The following PEAK1 variants were observed in gnomAD, a reference collection of about 807,000 sequenced individuals.
PEAK1 encodes inactive tyrosine-protein kinase PEAK1.
PEAK1 carries 54 observed loss-of-function variants against 124.7 expected under a neutral mutation model. That is an observed-to-expected ratio of 0.43 (90% confidence interval 0.35 to 0.54). The LOEUF (loss-of-function observed/expected upper bound fraction) is 0.54, where lower values mean the gene tolerates loss of function less well. PEAK1 is among the 20% of genes least tolerant of loss of function. PEAK1 has a pLI of 0.01. For missense variants in PEAK1, 2,046 were observed against 2,134.5 expected, an observed-to-expected ratio of 0.96 and a Z score of 0.82; for synonymous variants, 719 against 760.0, an observed-to-expected ratio of 0.95 and a Z score of 0.89.
intron 1 of PEAK1, among the ~76,000 whole-genome samples, chr15:77,414,207 C>CTGTCTTTCCTTCCTTCTTTCCTTCTT (rs2072678009): frequency 1.5e-5 from 1 of 67,922 alleles, no homozygotes; most frequent in African/African-American, 4.5e-5. Flanking sequence ...TTCTTTCCTT[C>CTGTCTTTCCTTCCTTCTTTCCTTCTT]TTTTTTTTTT....
At chr15:77,258,392 T>C (rs563853644) in intron 5 of PEAK1, among the ~76,000 whole-genome samples, 61 of 152,334 alleles carry the variant, frequency 4.0e-4, no homozygotes, top group African/African-American at 1.5e-3. Context: ...TGGTATCCTC[T>C]TTTATTTCAT....
chr15:77,313,652 A>ATGTATGTG (rs1469429790), intron 2 of PEAK1, among the ~76,000 whole-genome samples: 221 of 90,582 alleles, frequency 2.4e-3, no homozygotes, highest in Non-Finnish European at 3.3e-3. Flanking sequence ...GTATGTATGT[A>ATGTATGTG]TGTGTGTGTG....
intron 2 of PEAK1, chr15:77,345,937 A>G: frequency 2.0e-6 from 2 of 985,244 alleles, no homozygotes; most frequent in Non-Finnish European, 2.4e-6. Context: ...TATTAATTAT[A>G]GCACATAGCA....
chr15:77,298,576 T>C (rs2063632326), intron 2 of PEAK1, among the ~76,000 whole-genome samples: 1 of 152,104 alleles, frequency 6.6e-6, no homozygotes, highest in African/African-American at 2.4e-5. Flanking sequence ...ACATTTCTTA[T>C]CTAGCCTCAA....
chr15:77,401,849 T>C, intron 1 of PEAK1: 7 of 984,846 alleles, frequency 7.1e-6, no homozygotes, highest in Non-Finnish European at 8.4e-6. Context: ...CATCTTGCTT[T>C]ATTATATTTT....
chr15:77,239,671 C>A (rs979247979), intron 6 of PEAK1: 1 of 227,048 alleles, frequency 4.4e-6, no homozygotes, highest in Non-Finnish European at 7.3e-6. Context: ...CAAAATCTTA[C>A]AATGACTAAA....
At chr15:77,268,025 A>T (rs1482071061) in intron 5 of PEAK1, among the ~76,000 whole-genome samples, 1 of 152,222 alleles carries the variant, frequency 6.6e-6, no homozygotes, top group African/African-American at 2.4e-5. Context: ...ACTAATCACA[A>T]CTTCTGGAAA....
intron 2 of PEAK1, chr15:77,337,337 G>A: frequency 1.0e-6 from 1 of 967,202 alleles, no homozygotes; most frequent in Non-Finnish European, 1.2e-6. Flanking sequence ...TATTTGAGAG[G>A]AGAAACCATC....
In PEAK1 at chr15:77,313,708, A is replaced by ATGTATGTG. The variant is rs1402548917; in HGVS notation, c.-602-27205_-602-27204insCACATACA. Among the ~76,000 whole-genome samples the ATGTATGTG allele has an allele frequency of 1.5e-4, 14 of 93,754 alleles. No homozygotes were observed. In the East Asian group the frequency reaches 1.9e-3, roughly 13 times the overall value. 61.5% of individuals were successfully genotyped at this position (93,754 alleles called of 152,430 possible). A position where few individuals can be genotyped will look rare whatever the true frequency, so the allele number is the denominator to read the frequency against. ...TGTGTGTGTGTATATATATATATGT[A>ATGTATGTG]TGTGTGTGTGTGTGTGTGTATATAT... On this transcript the variant is annotated intron_variant, in intron 2 of 9. Coordinates refer to ENST00000682557, the MANE Select transcript of PEAK1 (RefSeq NM_001385026.1).
At chr15:77,212,307 G>A (rs891577276) in intron 6 of PEAK1, among the ~76,000 whole-genome samples, 4 of 152,112 alleles carry the variant, frequency 2.6e-5, no homozygotes, top group Non-Finnish European at 4.4e-5. Context: ...TAATATCTCA[G>A]ATTCAATGAC....
chr15:77,160,039 G>C (rs1324778852), intron 7 of PEAK1, among the ~76,000 whole-genome samples: 1 of 152,028 alleles, frequency 6.6e-6, no homozygotes, highest in East Asian at 1.9e-4. Flanking sequence ...TTTTCTAGCA[G>C]TCAAGAGAGT....
chr15:77,184,375 G>A (rs981029881), intron 6 of PEAK1, among the ~76,000 whole-genome samples: 24 of 152,170 alleles, frequency 1.6e-4, no homozygotes, highest in Non-Finnish European at 1.5e-4. Flanking sequence ...TGGTGGGAAT[G>A]TAAATGGTTC....
chr15:77,127,725 T>C (rs973332088), intron 9 of PEAK1, among the ~76,000 whole-genome samples: 9 of 152,044 alleles, frequency 5.9e-5, no homozygotes, highest in African/African-American at 2.2e-4. Flanking sequence ...GAAAAAGGAA[T>C]TGTTGAGCAA....
chr15:77,347,064 G>C (rs1255819011), intron 2 of PEAK1: 1 of 350,296 alleles, frequency 2.9e-6, no homozygotes, highest in African/African-American at 2.2e-5. Flanking sequence ...ACCAGTCTGA[G>C]GGAAGACCAT....
intron 6 of PEAK1, chr15:77,239,963 C>A (rs1315727054): frequency 2.3e-6 from 1 of 434,264 alleles, no homozygotes; most frequent in African/African-American, 2.1e-5. Flanking sequence ...AATAGATGAG[C>A]ACTTTTAAGT....
chr15:77,165,011 T>G (rs1237509575), intron 7 of PEAK1, among the ~76,000 whole-genome samples: 1 of 151,820 alleles, frequency 6.6e-6, no homozygotes, highest in Non-Finnish European at 1.5e-5. Flanking sequence ...TCAAGAGATT[T>G]TCCTACCTCA....
At chr15:77,321,501 GGA>G (rs1393557777) in intron 2 of PEAK1, among the ~76,000 whole-genome samples, 5 of 152,058 alleles carry the variant, frequency 3.3e-5, no homozygotes, top group Non-Finnish European at 7.4e-5. Flanking sequence ...ACTTTTTGAT[GGA>G]GATGTTTTTT....
chr15:77,158,406 T>G lies in PEAK1; in HGVS notation c.3331+97A>C, dbSNP rs139022127. The G allele has an allele frequency of 1.3e-4, 146 of 1,162,914 alleles. 3 individuals carry two copies. The East Asian group carries it at 3.5e-3, about 28-fold the overall frequency. 72.0% of individuals were successfully genotyped at this position (1,162,914 alleles called of 1,614,324 possible). A position where few individuals can be genotyped will look rare whatever the true frequency, so the allele number is the denominator to read the frequency against. The stretch of plus-strand genomic sequence containing the variant: ...CTCCAATGGTCCAAATTCTGCTTCA[T>G]GGAGCAATAAAAACCATCTCTCCAA... On this transcript the variant is annotated intron_variant, in intron 8 of 9. Transcript: ENST00000682557.
In PEAK1 at chr15:77,265,100, C is replaced by T. The variant is rs370824406; in HGVS notation, c.-274-12574G>A. Among the ~76,000 whole-genome samples the T allele has an allele frequency of 1.6e-4, 24 of 152,136 alleles. No homozygotes were observed. In the East Asian group the frequency reaches 3.7e-3, roughly 23 times the overall value. On this transcript the variant is annotated intron_variant, in intron 5 of 9. Transcript: ENST00000682557. ...CCTTCCTTACACCTTACACAAAAAT[C>T]AATTCAAGATGGATTAAAGACTTAA...
Sources: gnomAD v4.1 joint callset for allele counts (sites outside exome capture counted in the v4.1 genomes callset) on GRCh38, gnomAD v4.1.1 for gene constraint, MANE v1.5 for transcripts, NCBI Gene and HGNC (gene_info 2026-07-23, HGNC 2026-07-21) for gene names.